Variants in ZFYVE9 observed in about 807,000 individuals in gnomAD.
ZFYVE9 encodes zinc finger FYVE domain-containing protein 9.
ZFYVE9 carries 43 observed loss-of-function variants against 126.7 expected under a neutral mutation model. The observed-to-expected ratio is 0.34, with a 90% confidence interval of 0.27 to 0.44. The LOEUF is 0.44. Among genes scored for constraint, ZFYVE9 ranks in the 20% least tolerant of loss-of-function variants. The pLI is 1.00. For missense variants in ZFYVE9, 1,476 were observed against 1,697.0 expected, an observed-to-expected ratio of 0.87 and a Z score of 2.29; for synonymous variants, 521 against 597.4, an observed-to-expected ratio of 0.87 and a Z score of 1.87.
intron 4 of ZFYVE9, among the ~76,000 whole-genome samples, chr1:52,263,531 C>T (rs184905848): frequency 4.2e-4 from 64 of 152,256 alleles, no homozygotes; most frequent in Non-Finnish European, 6.5e-4. Flanking sequence ...ATATTTGCCA[C>T]GTGATCTTAG....
At chr1:52,178,665 CTG>C (rs1047157981) in intron 1 of ZFYVE9, among the ~76,000 whole-genome samples, 33 of 152,048 alleles carry the variant, frequency 2.2e-4, no homozygotes, top group African/African-American at 7.2e-4. Flanking sequence ...ATTTTGTTGT[CTG>C]TGTAGCAGAT....
chr1:52,282,276 G>A lies in ZFYVE9; in HGVS notation c.3025+460G>A, dbSNP rs150215336. On this transcript the variant is annotated intron_variant, in intron 10 of 18. Coordinates refer to ENST00000287727, the MANE Select transcript of ZFYVE9 (RefSeq NM_004799.4). ...GTAACAACTTAAAAGTAAAAGCATA[G>A]AGGTTAGAAGCTGGGAAAGACTAAG... Among the ~76,000 whole-genome samples, 597 of 152,256 alleles carry A rather than the reference G, an allele frequency of 3.9e-3. 13 individuals are homozygous for A. The South Asian group carries it at 0.044, about 11-fold the overall frequency.
intron 10 of ZFYVE9, among the ~76,000 whole-genome samples, chr1:52,287,788 C>A (rs944437150): frequency 6.6e-6 from 1 of 152,012 alleles, no homozygotes; most frequent in Admixed American, 6.6e-5. Flanking sequence ...GTCCTTGAGC[C>A]CAGGAGTTTT....
intron 1 of ZFYVE9, among the ~76,000 whole-genome samples, chr1:52,184,286 A>G (rs1644743743): frequency 6.8e-6 from 1 of 147,564 alleles, no homozygotes; most frequent in South Asian, 2.1e-4. Flanking sequence ...GTGCAGTGGC[A>G]TGATTTTGGC....
rs1553123755 is a variant in ZFYVE9 at position 52,198,135 on chromosome 1, T to TG, written c.-142-18234_-142-18233insG. 3.5e-5 allele frequency among the ~76,000 whole-genome samples: 5 copies of TG among 143,740 alleles called. No individual in the cohort carries two copies. In the South Asian group the frequency reaches 1.1e-3, roughly 33 times the overall value. The allele number at this position is 143,740 out of a possible 152,430, so 94.3% of individuals were successfully genotyped here. A position where few individuals can be genotyped will look rare whatever the true frequency, so the allele number is the denominator to read the frequency against. ...GTTTTTTTTTGTTTGTTTTTTTTTT[T>TG]TTTTGAGATGGAGTCTCACTCTGTC... On this transcript the variant is annotated intron_variant, in intron 1 of 18. Transcript: ENST00000287727.
At chr1:52,289,885 C>G (rs997275405) in intron 10 of ZFYVE9, among the ~76,000 whole-genome samples, 1 of 152,080 alleles carries the variant, frequency 6.6e-6, no homozygotes, top group Non-Finnish European at 1.5e-5. Context: ...ATGGAAGAGG[C>G]AGAAAGGAAA....
intron 3 of ZFYVE9, among the ~76,000 whole-genome samples, chr1:52,237,047 A>G (rs183634891): frequency 3.5e-4 from 53 of 152,296 alleles, no homozygotes; most frequent in African/African-American, 1.3e-3. Flanking sequence ...TCAAACCCAC[A>G]TCCTAATTAT....
intron 1 of ZFYVE9, among the ~76,000 whole-genome samples, chr1:52,188,698 T>C (rs554688745): frequency 6.6e-6 from 1 of 152,314 alleles, no homozygotes; most frequent in South Asian, 2.1e-4. Flanking sequence ...TTGGTTTATA[T>C]AGTAGACTGA....
intron 1 of ZFYVE9, among the ~76,000 whole-genome samples, chr1:52,176,345 G>C (rs1056320484): frequency 6.6e-6 from 1 of 152,282 alleles, no homozygotes; most frequent in Non-Finnish European, 1.5e-5. Flanking sequence ...CTGCCTGATC[G>C]TTCCTCTGGA....
chr1:52,263,753 T>TGGGGGGGGGGGGG lies in ZFYVE9; in HGVS notation c.2179-20_2179-19insGGGGGGGGGGGGG. On this transcript the variant is annotated intron_variant, in intron 4 of 18. Transcript: ENST00000287727. ...ATCCCAAGTAAATTTTGTGTGTTCTTCCCCCCCCCCCCCCCACAGGTTTTC... is the reference window on the plus strand; with the variant it reads ...ATCCCAAGTAAATTTTGTGTGTTCTTGGGGGGGGGGGGGCCCCCCCCCCCCCCCACAGGTTTTC... 7.0e-6 allele frequency: 5 copies of TGGGGGGGGGGGGG among 713,074 alleles called. No homozygotes were observed. Among genetic ancestry groups the TGGGGGGGGGGGGG allele is most frequent in the Non-Finnish European group, 6.1e-6 (3 of 490,704 alleles). 44.2% of individuals were successfully genotyped at this position (713,074 alleles called of 1,614,324 possible).
At chr1:52,185,031 A>G (rs960830480) in intron 1 of ZFYVE9, among the ~76,000 whole-genome samples, 1 of 152,214 alleles carries the variant, frequency 6.6e-6, no homozygotes, top group African/African-American at 2.4e-5. Context: ...ATGTTTTGCC[A>G]AGTCTGATGA....
At chr1:52,345,396 A>G (rs1483489627) in intron 18 of ZFYVE9, among the ~76,000 whole-genome samples, 1 of 152,104 alleles carries the variant, frequency 6.6e-6, no homozygotes, top group Admixed American at 6.6e-5. Flanking sequence ...TTATGAGGAG[A>G]AACTGGTTCC....
intron 12 of ZFYVE9, among the ~76,000 whole-genome samples, chr1:52,299,953 C>T (rs896735392): frequency 1.4e-4 from 21 of 152,188 alleles, no homozygotes; most frequent in African/African-American, 4.1e-4. Context: ...GTGAGGACCG[C>T]GGGACGAGGC....
chr1:52,309,426 C>T (rs1439240193), intron 13 of ZFYVE9, among the ~76,000 whole-genome samples: 1 of 152,162 alleles, frequency 6.6e-6, no homozygotes, highest in African/African-American at 2.4e-5. Flanking sequence ...CTGCAGTGAG[C>T]TGAGATTTCT....
At chr1:52,318,491 A>G (rs1646208405) in intron 13 of ZFYVE9, among the ~76,000 whole-genome samples, 1 of 151,990 alleles carries the variant, frequency 6.6e-6, no homozygotes. Flanking sequence ...TCTAATGGTA[A>G]CAGACTGAGT....
At chr1:52,307,214 G>A (rs1052234398) in intron 13 of ZFYVE9, among the ~76,000 whole-genome samples, 7 of 152,052 alleles carry the variant, frequency 4.6e-5, no homozygotes, top group Admixed American at 1.3e-4. Context: ...AAGCTGAGGC[G>A]CTCATAGTTA....
intron 13 of ZFYVE9, among the ~76,000 whole-genome samples, chr1:52,321,243 T>G (rs781316263): frequency 5.3e-5 from 8 of 152,184 alleles, no homozygotes; most frequent in Non-Finnish European, 1.0e-4. Context: ...AAAAGCATAA[T>G]TTCATAGGTT....
chr1:52,337,094 T>C (rs539374733), intron 15 of ZFYVE9, among the ~76,000 whole-genome samples: 12 of 152,340 alleles, frequency 7.9e-5, no homozygotes, highest in Admixed American at 4.6e-4. Context: ...AGTGGAGCGA[T>C]TGGCTGACTA....
intron 11 of ZFYVE9, among the ~76,000 whole-genome samples, chr1:52,294,840 A>G (rs925977489): frequency 7.2e-5 from 11 of 152,266 alleles, no homozygotes; most frequent in Admixed American, 2.6e-4. Flanking sequence ...ATTTCAAACC[A>G]TAAAATTCAA....
Sources: allele counts gnomAD v4.1 joint callset (sites outside exome capture counted in the v4.1 genomes callset), GRCh38; gene constraint gnomAD v4.1.1; transcripts MANE v1.5; gene names NCBI Gene and HGNC (gene_info 2026-07-23, HGNC 2026-07-21).